Variants in CCDC88A observed in about 807,000 individuals in gnomAD.
CCDC88A encodes coiled-coil and HOOK domain protein 88A.
A neutral mutation model predicts 234.3 loss-of-function variants in CCDC88A; 54 were observed. The ratio of observed to expected loss-of-function variants is 0.23; its 90% CI spans 0.19 to 0.29. CCDC88A has a LOEUF of 0.29. Ranked by LOEUF, CCDC88A falls within the 10% of genes least tolerant of loss-of-function variation. CCDC88A has a pLI of 1.00. For synonymous variants in CCDC88A, 753 were observed against 737.8 expected, an observed-to-expected ratio of 1.02 and a Z score of -0.33; for missense variants, 1,832 against 2,123.4, an observed-to-expected ratio of 0.86 and a Z score of 2.70.
chr2:55,346,403 T>C, intron 9 of CCDC88A, 70 bp from the exon 10 acceptor site: 1 of 872,420 alleles, frequency 1.1e-6, no homozygotes, highest in Non-Finnish European at 1.7e-6. Context: ...GTTGCACAAT[T>C]TGAAATTTTA....
At chr2:55,388,598 C>G (rs184466474) in intron 3 of CCDC88A, 180 bp downstream of exon 3, 1 of 354,108 alleles carries the variant, frequency 2.8e-6, no homozygotes, top group African/African-American at 2.1e-5. Context: ...TTATTAAATG[C>G]TTGCTTAAGC....
At chr2:55,381,228 G>A (rs371276635) in intron 3 of CCDC88A, among the ~76,000 whole-genome samples, 5 of 152,004 alleles carry the variant, frequency 3.3e-5, no homozygotes, top group East Asian at 3.9e-4. Flanking sequence ...TATGATGTTC[G>A]TACAATGACA....
At chr2:55,305,753 G>A (rs1193024036) in intron 25 of CCDC88A, among the ~76,000 whole-genome samples, 1 of 151,990 alleles carries the variant, frequency 6.6e-6, no homozygotes, top group Non-Finnish European at 1.5e-5. Flanking sequence ...TATTTGGGAG[G>A]ATGACGCTGA....
chr2:55,384,801 C>G (rs546775475), intron 3 of CCDC88A, among the ~76,000 whole-genome samples: 1 of 151,414 alleles, frequency 6.6e-6, no homozygotes, highest in Admixed American at 6.6e-5. Context: ...GGATTACAGG[C>G]ACGCACCACC....
chr2:55,327,520 C>T (rs1291255873), intron 17 of CCDC88A, among the ~76,000 whole-genome samples: 6 of 152,300 alleles, frequency 3.9e-5, no homozygotes, highest in East Asian at 1.9e-4. Context: ...CAGACAACTA[C>T]GTGAAGAGGA....
intron 3 of CCDC88A, among the ~76,000 whole-genome samples, chr2:55,377,219 CAG>C (rs1479891023): frequency 1.8e-5 from 2 of 111,688 alleles, no homozygotes; most frequent in Non-Finnish European, 3.5e-5. Flanking sequence ...TTTTTTGAGA[CAG>C]GGTCTTACTC....
intron 5 of CCDC88A, among the ~76,000 whole-genome samples, chr2:55,366,831 GAAAATA>G (rs957510565): frequency 1.3e-5 from 2 of 152,018 alleles, no homozygotes; most frequent in African/African-American, 4.8e-5. Flanking sequence ...TATTGAACAA[GAAAATA>G]ATAAGACAAG....
At chr2:55,342,463 AGATGATATT>A (rs367680628) in intron 12 of CCDC88A, among the ~76,000 whole-genome samples, 1 of 152,302 alleles carries the variant, frequency 6.6e-6, no homozygotes, top group African/African-American at 2.4e-5. Context: ...TCAGAAGTCT[AGATGATATT>A]CACTATTTTG....
At chr2:55,370,801 AG>A (rs1286512141) in intron 5 of CCDC88A, among the ~76,000 whole-genome samples, 1 of 150,896 alleles carries the variant, frequency 6.6e-6, no homozygotes, top group Non-Finnish European at 1.5e-5. Flanking sequence ...TGAGGTCAAG[AG>A]TTTGAAACCA....
At chr2:55,292,621 C>G (rs1000172844) in intron 31 of CCDC88A, 1 of 152,218 alleles carries the variant, frequency 6.6e-6, no homozygotes, top group Non-Finnish European at 1.5e-5. Flanking sequence ...TGGCTCACGC[C>G]TGTAATCCCA....
At chr2:55,361,438 T>C (rs1471793043) in intron 7 of CCDC88A, among the ~76,000 whole-genome samples, 2 of 152,206 alleles carry the variant, frequency 1.3e-5, no homozygotes, top group African/African-American at 4.8e-5. Context: ...TATTTTCTTT[T>C]TGTTTAATGC....
chr2:55,338,783 G>A (rs1421465692), intron 13 of CCDC88A, among the ~76,000 whole-genome samples: 1 of 152,168 alleles, frequency 6.6e-6, no homozygotes, highest in Non-Finnish European at 1.5e-5. Flanking sequence ...ACTAGCCCGA[G>A]TTGAGACAGT....
chr2:55,339,817 T>C, intron 12 of CCDC88A, 169 bp from the exon 13 acceptor site: 1 of 511,250 alleles, frequency 2.0e-6, no homozygotes, highest in Non-Finnish European at 3.2e-6. Context: ...AAGTAAATCT[T>C]TTTTTTCCTT....
rs560552642 is a variant in CCDC88A, at chr2:55,311,455, T to G, written c.4079+979A>C. 3.3e-5 allele frequency among the ~76,000 whole-genome samples: 5 copies of G among 152,318 alleles called. No homozygotes were observed. In the South Asian group the frequency reaches 1.0e-3, roughly 32 times the overall value. ...CTGGTTTCACATGTGCCCTGGCTGT[T>G]TATGTACATCAAGTCTGAGAGGCAC... On this transcript the variant is annotated intron_variant, in intron 23 of 32. Coordinates refer to ENST00000436346, the MANE Select transcript of CCDC88A (RefSeq NM_001365480.1).
In CCDC88A at chr2:55,332,879, C is replaced by CT. The variant is rs1329205312; in HGVS notation, c.2728-187dup. On this transcript the variant is annotated intron_variant, in intron 15 of 32. Coordinates refer to ENST00000436346, the MANE Select transcript of CCDC88A (RefSeq NM_001365480.1). The surrounding 1 kb of genome is among the most constrained non-coding windows in gnomAD (Gnocchi z 4.5). Reference sequence around the variant, plus strand: ...TAACCTAGTTGAAATAACTTTTTTCCTTTTTTTTGCTAATACTTTAAACAA... The same window carrying CT: ...TAACCTAGTTGAAATAACTTTTTTCCTTTTTTTTTGCTAATACTTTAAACAA... 2.6e-5 allele frequency among the ~76,000 whole-genome samples: 4 copies of CT among 151,746 alleles called. No homozygotes were observed. Among genetic ancestry groups the CT allele is most frequent in the Middle Eastern group, 3.2e-3 (1 of 316 alleles).
rs1313091755 is a variant in CCDC88A at position 55,318,916 on chromosome 2, A to G, written c.3251T>C (p.Leu1084Pro). The change falls in exon 19 of 33, where the codon CTT (leucine) becomes CCT (proline). Residue 1084 changes from leucine (L) to proline (P), a missense_variant. By Grantham distance (98) the Leu-to-Pro change is moderately conservative. This residue lies in a region of CCDC88A where 1,282 missense variants were observed against 1,543.6 expected (regional missense o/e 0.83). Transcript: ENST00000436346. ...TGACACTGTCTGCCTCTGAAGTGCA[A>G]GAATCTGAGCCTGCAAATTATTGTT... The part of the protein sequence containing the change: ...TQNNNLQAQI[L>P]ALQRQTVSLQ... 6.2e-7 allele frequency: 1 copy of G among 1,613,276 alleles called. No homozygotes were observed. The highest frequency in any genetic ancestry group is 8.5e-7 in the Non-Finnish European group (1 of 1,179,536).
intron 3 of CCDC88A, among the ~76,000 whole-genome samples, chr2:55,375,824 G>T (rs1482809241): frequency 6.6e-6 from 1 of 151,640 alleles, no homozygotes; most frequent in African/African-American, 2.4e-5. Context: ...CACCACACCA[G>T]GCCATATTTT....
At chr2:55,402,218 T>C (rs1038649772) in intron 2 of CCDC88A, among the ~76,000 whole-genome samples, 19 of 152,158 alleles carry the variant, frequency 1.2e-4, no homozygotes, top group Non-Finnish European at 5.9e-5. Flanking sequence ...TTTGTTAACA[T>C]AAAGAACATT....
chr2:55,310,780 A>G (rs189751963), intron 23 of CCDC88A, among the ~76,000 whole-genome samples: 142 of 152,220 alleles, frequency 9.3e-4, no homozygotes, highest in African/African-American at 3.1e-3. Context: ...TATTCACCCA[A>G]CTGCTTGGAT....
Sources: allele counts gnomAD v4.1 joint callset (sites outside exome capture counted in the v4.1 genomes callset), GRCh38; gene constraint gnomAD v4.1.1; regional missense constraint gnomAD v4.1.1; non-coding constraint Gnocchi (gnomAD v3.1); transcripts MANE v1.5; gene names NCBI Gene and HGNC (gene_info 2026-07-23, HGNC 2026-07-21).